Variants in TMEM248 observed in about 807,000 individuals in gnomAD.
The protein encoded by TMEM248 is UPF0458 protein C7orf42.
Under a neutral mutation model 30.3 loss-of-function variants are expected in TMEM248, and 9 were observed. The observed-to-expected ratio is 0.30, with a 90% confidence interval of 0.18 to 0.52. The LOEUF (loss-of-function observed/expected upper bound fraction) is 0.52, where lower values mean the gene tolerates loss of function less well. Among genes scored for constraint, TMEM248 ranks in the 20% least tolerant of loss-of-function variants. The probability of loss-of-function intolerance (pLI) is 0.97; values close to 1 mark genes in which losing one functional copy is unlikely to be tolerated. For synonymous variants in TMEM248, 184 were observed against 154.4 expected, an observed-to-expected ratio of 1.19 and a Z score of -1.42; for missense variants, 338 against 403.3, an observed-to-expected ratio of 0.84 and a Z score of 1.39.
At chr7:66,929,898 C>T (rs901825901) in intron 1 of TMEM248, among the ~76,000 whole-genome samples, 3 of 152,040 alleles carry the variant, frequency 2.0e-5, no homozygotes, top group Non-Finnish European at 4.4e-5. Flanking sequence ...CAGTGGCTCA[C>T]GTCTGTAATC....
intron 3 of TMEM248, among the ~76,000 whole-genome samples, chr7:66,947,233 A>C (rs1258628209): frequency 6.6e-6 from 1 of 151,542 alleles, no homozygotes; most frequent in Admixed American, 6.6e-5. Context: ...AAAAAAAAAA[A>C]AACAAGAAAC....
At chr7:66,921,928 C>T (rs1791396353) in intron 1 of TMEM248, 1 of 152,160 alleles carries the variant, frequency 6.6e-6, no homozygotes, top group African/African-American at 2.4e-5. Context: ...GGTAAATATC[C>T]GGAATGGGGT....
chr7:66,941,361 A>G (rs2129223664), intron 1 of TMEM248, among the ~76,000 whole-genome samples: 1 of 149,944 alleles, frequency 6.7e-6, no homozygotes, highest in East Asian at 2.0e-4. Context: ...CCTGGGTCAC[A>G]GAGTGAGACT....
chr7:66,927,193 C>CG (rs1006670804), intron 1 of TMEM248, among the ~76,000 whole-genome samples: 19 of 151,586 alleles, frequency 1.3e-4, no homozygotes, highest in African/African-American at 1.9e-4. Context: ...TTTTAAGAAG[C>CG]GGGGGGGTTG....
At chr7:66,949,267 A>G (rs924575365) in intron 4 of TMEM248, among the ~76,000 whole-genome samples, 1 of 152,154 alleles carries the variant, frequency 6.6e-6, no homozygotes, top group African/African-American at 2.4e-5. Context: ...TGGGCAGATC[A>G]CCTGAGGTCA....
rs772196061 is a variant in TMEM248 at position 66,956,707 on chromosome 7, A to T, written c.*1185A>T. ...CTTTTTCTTTTTTTTTGGAGGGGGG[A>T]GGCAGGGTCTTGCTCTGTCCCTCAG... On this transcript the variant is annotated 3_prime_UTR_variant, in exon 7 of 7. Transcript: ENST00000341567. The T allele has an allele frequency of 1.1e-4, 16 of 150,166 alleles. No individual in the cohort carries two copies. The highest frequency in any genetic ancestry group is 4.4e-5 in the Non-Finnish European group (3 of 67,734). 9.3% of individuals were successfully genotyped at this position (150,166 alleles called of 1,614,324 possible). A position where few individuals can be genotyped will look rare whatever the true frequency, so the allele number is the denominator to read the frequency against.
chr7:66,942,047 C>G (rs150811021), intron 2 of TMEM248, 23 bp downstream of exon 2: 1 of 1,606,790 alleles, frequency 6.2e-7, no homozygotes, highest in Admixed American at 1.7e-5. Flanking sequence ...CTGACTTCTC[C>G]CGGGCTGGCT....
intron 1 of TMEM248, among the ~76,000 whole-genome samples, chr7:66,938,864 C>G (rs12533830): frequency 0.037 from 5,592 of 152,288 alleles, 162 homozygotes; most frequent in East Asian, 0.087. Context: ...AAAACCCAGA[C>G]TTGGATTAAT....
Position 66,956,459 on chromosome 7 carries a change from T to A in TMEM248, c.*937T>A, listed in dbSNP as rs4718428. On this transcript the variant is annotated 3_prime_UTR_variant, in exon 7 of 7. Coordinates refer to ENST00000341567, the MANE Select transcript of TMEM248 (RefSeq NM_017994.5). ...GTATGGAAAGAAAGAATAATGATTC[T>A]ATCTAATAGGAAAGGATTTCTTCTT... The A allele has an allele frequency of 5.5e-5, 8 of 144,548 alleles. No homozygotes were observed. Among genetic ancestry groups the A allele is most frequent in the South Asian group, 4.1e-4 (2 of 4,828 alleles). The allele number at this position is 144,548 out of a possible 1,614,324, so 9.0% of individuals were successfully genotyped here. A position where few individuals can be genotyped will look rare whatever the true frequency, so the allele number is the denominator to read the frequency against.
chr7:66,952,612 A>G (rs1309568911), intron 5 of TMEM248, among the ~76,000 whole-genome samples: 1 of 152,190 alleles, frequency 6.6e-6, no homozygotes, highest in Non-Finnish European at 1.5e-5. Flanking sequence ...AGGGTAAAGG[A>G]ATGGAACCAT....
chr7:66,930,825 A>T (rs1170960550), intron 1 of TMEM248: 1 of 152,616 alleles, frequency 6.6e-6, no homozygotes, highest in Admixed American at 6.6e-5. Context: ...AGGGTCTCAG[A>T]CATCACAGGA....
At chr7:66,930,419 A>G (rs1203152084) in intron 1 of TMEM248, among the ~76,000 whole-genome samples, 1 of 152,180 alleles carries the variant, frequency 6.6e-6, no homozygotes, top group African/African-American at 2.4e-5. Context: ...CTGAGAAGGA[A>G]GGGGTGGCCA....
rs756777767 is a variant in TMEM248 at position 66,953,343 on chromosome 7, A to G, written c.898A>G (p.Ser300Gly). ...IKGRPSKLRQ[S>G]NPEFCPEKVA... ...GGGCAGACCTAGCAAATTGCGTCAG[A>G]GCAATCCTGAATTTTGTCCCGAGAA... The change falls in exon 6 of 7, where the codon AGC (serine) becomes GGC (glycine). Residue 300 changes from serine to glycine, a missense_variant. By Grantham distance (56) the Ser-to-Gly change is moderately conservative. Transcript: ENST00000341567. 6.2e-7 allele frequency: 1 copy of G among 1,614,132 alleles called. No individual in the cohort carries two copies. Among genetic ancestry groups the G allele is most frequent in the East Asian group, 2.2e-5 (1 of 44,876 alleles).
chr7:66,938,759 G>A (rs1240356958), intron 1 of TMEM248, among the ~76,000 whole-genome samples: 1 of 152,156 alleles, frequency 6.6e-6, no homozygotes, highest in Non-Finnish European at 1.5e-5. Context: ...ACCTGCCTTG[G>A]CATCCCAAAG....
Position 66,945,114 on chromosome 7 carries a change from T to TC in TMEM248, c.304dup (p.Gln102ProfsTer69). 1 of 1,613,974 alleles carries TC rather than the reference T, an allele frequency of 6.2e-7. No individual in the cohort carries two copies. On this transcript the variant is annotated frameshift_variant, in exon 3 of 7. Coordinates refer to ENST00000341567, the MANE Select transcript of TMEM248 (RefSeq NM_017994.5). LOFTEE classifies it high-confidence loss of function. ...CGGGCAGGCCCGAGCTTCCACCCAG[T>TC]CCCCCCAGGCCCTGGAGGACTCGGG...
chr7:66,931,943 T>C (rs889785170), intron 1 of TMEM248, among the ~76,000 whole-genome samples: 2 of 151,686 alleles, frequency 1.3e-5, no homozygotes, highest in African/African-American at 4.8e-5. Context: ...TAGCTGGGAC[T>C]ACAGGCGCCC....
rs1190896498 is a variant in TMEM248, at chr7:66,932,829, T to C, written c.-18-9019T>C. Among the ~76,000 whole-genome samples, 2 of 150,196 alleles carry C rather than the reference T, an allele frequency of 1.3e-5. 1 individual carries two copies. Among genetic ancestry groups the C allele is most frequent in the Non-Finnish European group, 3.0e-5 (2 of 67,652 alleles). On this transcript the variant is annotated intron_variant, in intron 1 of 6. Coordinates refer to ENST00000341567, the MANE Select transcript of TMEM248 (RefSeq NM_017994.5). ...CCGCGCCTGGCCGATTTTATTTTTTTATGGCAACTGTATGTGATATTTTAA... is the reference window on the plus strand; with the variant it reads ...CCGCGCCTGGCCGATTTTATTTTTTCATGGCAACTGTATGTGATATTTTAA...
intron 1 of TMEM248, among the ~76,000 whole-genome samples, chr7:66,936,516 C>CT (rs1028924738): frequency 0.011 from 1,697 of 147,934 alleles, 28 homozygotes; most frequent in African/African-American, 0.035. Context: ...TGTAGTTTTC[C>CT]TTTTTTTTTT....
At chr7:66,950,060 A>C (rs933036244) in intron 4 of TMEM248, among the ~76,000 whole-genome samples, 1 of 152,096 alleles carries the variant, frequency 6.6e-6, no homozygotes, top group Non-Finnish European at 1.5e-5. Flanking sequence ...TTCCAGTTGT[A>C]ACTAAGTGAT....
Sources: gnomAD v4.1 joint callset for allele counts (sites outside exome capture counted in the v4.1 genomes callset) on GRCh38, gnomAD v4.1.1 for gene constraint, MANE v1.5 for transcripts, NCBI Gene and HGNC (gene_info 2026-07-23, HGNC 2026-07-21) for gene names.